CDH4: variants seen among roughly 807,000 people sequenced by gnomAD.
CDH4 encodes the protein cadherin 4, also known as cadherin-4.
A neutral mutation model predicts 86.0 loss-of-function variants in CDH4; 33 were observed. The ratio of observed to expected loss-of-function variants is 0.38; its 90% confidence interval spans 0.29 to 0.51. The LOEUF (loss-of-function observed/expected upper bound fraction) is 0.51, where lower values mean the gene tolerates loss of function less well. Ranked by LOEUF, CDH4 falls within the 20% of genes least tolerant of loss-of-function variation. The pLI is 0.86. For synonymous variants in CDH4, 555 were observed against 549.4 expected, an observed-to-expected ratio of 1.01 and a Z score of -0.14; for missense variants, 1,114 against 1,307.4, an observed-to-expected ratio of 0.85 and a Z score of 2.28.
intron 2 of CDH4, among the ~76,000 whole-genome samples, chr20:61,538,043 G>C (rs879750847): frequency 1.4e-4 from 21 of 152,282 alleles, no homozygotes; most frequent in Middle Eastern, 3.4e-3. Context: ...AAACCCCTAG[G>C]CTGCTTAATT....
chr20:61,849,458 G>A (rs1237415106), intron 5 of CDH4, among the ~76,000 whole-genome samples: 2 of 152,200 alleles, frequency 1.3e-5, no homozygotes, highest in African/African-American at 2.4e-5. Flanking sequence ...GGCTTGGCTT[G>A]TGTTTCTGCT....
At chr20:61,512,980 C>T (rs1052589775) in intron 2 of CDH4, among the ~76,000 whole-genome samples, 22 of 152,204 alleles carry the variant, frequency 1.4e-4, no homozygotes, top group African/African-American at 2.9e-4. Context: ...TCAGAGCCCC[C>T]GTAGAGTTTT....
chr20:61,416,359 T>TC (rs371845011), intron 2 of CDH4, among the ~76,000 whole-genome samples: 3 of 152,224 alleles, frequency 2.0e-5, no homozygotes, highest in African/African-American at 7.2e-5. Context: ...ATTCTGTTTA[T>TC]CCCCTCATTC....
At chr20:61,859,825 T>C (rs897121925) in intron 6 of CDH4, among the ~76,000 whole-genome samples, 1 of 152,268 alleles carries the variant, frequency 6.6e-6, no homozygotes, top group Non-Finnish European at 1.5e-5. Context: ...TCGTGGACAG[T>C]GTGAGGTGGT....
At chr20:61,434,158 C>T (rs1224981715) in intron 2 of CDH4, among the ~76,000 whole-genome samples, 2 of 152,176 alleles carry the variant, frequency 1.3e-5, no homozygotes, top group African/African-American at 4.8e-5. Flanking sequence ...GCCAGTAACT[C>T]GTGGAACTAA....
chr20:61,404,919 A>G (rs1457651870), intron 2 of CDH4, among the ~76,000 whole-genome samples: 13 of 152,070 alleles, frequency 8.5e-5, no homozygotes, highest in Non-Finnish European at 1.9e-4. Context: ...GCATGGTGGC[A>G]CGTGCCTGTA....
chr20:61,668,937 CCTCT>C (rs1568745016), intron 2 of CDH4, among the ~76,000 whole-genome samples: 1 of 152,216 alleles, frequency 6.6e-6, no homozygotes, highest in African/African-American at 2.4e-5. Context: ...TCCGCCAGCC[CCTCT>C]CTCCAGTCTG....
At chr20:61,592,372 G>C (rs946372301) in intron 2 of CDH4, among the ~76,000 whole-genome samples, 2 of 152,160 alleles carry the variant, frequency 1.3e-5, no homozygotes, top group African/African-American at 4.8e-5. Flanking sequence ...CCCTGCAGTG[G>C]TTCCACAGGG....
At chr20:61,566,251 C>A (rs981258979) in intron 2 of CDH4, among the ~76,000 whole-genome samples, 7 of 152,208 alleles carry the variant, frequency 4.6e-5, no homozygotes, top group African/African-American at 1.4e-4. Flanking sequence ...GACCATGAGC[C>A]GCCTTTTTAA....
chr20:61,871,079 GAGAGAC>G (rs1436068221), intron 6 of CDH4, among the ~76,000 whole-genome samples: 3 of 151,688 alleles, frequency 2.0e-5, no homozygotes, highest in Admixed American at 2.0e-4. Context: ...ATATCAGAGA[GAGAGAC>G]AGAGACAGAG....
intron 2 of CDH4, among the ~76,000 whole-genome samples, chr20:61,551,973 A>T (rs965897456): frequency 3.3e-5 from 5 of 152,224 alleles, no homozygotes; most frequent in African/African-American, 1.2e-4. Context: ...CATATACAAA[A>T]GTTAACTCAA....
intron 2 of CDH4, among the ~76,000 whole-genome samples, chr20:61,465,118 C>T (rs1413937948): frequency 1.3e-5 from 2 of 152,202 alleles, no homozygotes; most frequent in African/African-American, 2.4e-5. Flanking sequence ...ATCTGGCATA[C>T]AGAATGCTGG....
chr20:61,253,490 A>G lies in CDH4; in HGVS notation c.57+920A>G, dbSNP rs923181070. On this transcript the variant is annotated intron_variant, in intron 1 of 15. Coordinates refer to ENST00000614565, the MANE Select transcript of CDH4 (RefSeq NM_001794.5). ...TCGGCCTCGCTGCCTTCTCCCGGGCAGCGCTGTTGTAACCTCGGAAATAAA... is the reference window on the plus strand; with the variant it reads ...TCGGCCTCGCTGCCTTCTCCCGGGCGGCGCTGTTGTAACCTCGGAAATAAA... Among the ~76,000 whole-genome samples, 73 of 152,008 alleles carry G rather than the reference A, an allele frequency of 4.8e-4. 1 individual carries two copies. The highest frequency in any genetic ancestry group is 1.7e-3 in the African/African-American group (72 of 41,492).
intron 2 of CDH4, among the ~76,000 whole-genome samples, chr20:61,696,235 A>C (rs1213786850): frequency 6.6e-6 from 1 of 152,192 alleles, no homozygotes; most frequent in East Asian, 1.9e-4. Context: ...ACCGCCCCCC[A>C]CAAACCAACA....
intron 4 of CDH4, among the ~76,000 whole-genome samples, chr20:61,795,321 C>A (rs537758234): frequency 6.6e-6 from 1 of 151,934 alleles, no homozygotes; most frequent in East Asian, 2.0e-4. Context: ...CCTTTCTTCA[C>A]CATAGTATCC....
chr20:61,917,531 C>T (rs2054917135), intron 9 of CDH4, among the ~76,000 whole-genome samples: 1 of 152,236 alleles, frequency 6.6e-6, no homozygotes, highest in Admixed American at 6.5e-5. Context: ...GTGATGGGGT[C>T]AGTTCAGGCA....
chr20:61,284,835 C>A (rs544781466), intron 2 of CDH4, among the ~76,000 whole-genome samples: 2 of 152,198 alleles, frequency 1.3e-5, no homozygotes, highest in Admixed American at 6.5e-5. Context: ...TTAGGCTTGG[C>A]GGGCCAGATG....
At chr20:61,329,940 T>C (rs1372767266) in intron 2 of CDH4, among the ~76,000 whole-genome samples, 5 of 149,708 alleles carry the variant, frequency 3.3e-5, no homozygotes, top group Non-Finnish European at 7.4e-5. Flanking sequence ...ATGCAGTGTT[T>C]GGTTTTCTGT....
At chr20:61,530,096 G>A (rs1489393327) in intron 2 of CDH4, among the ~76,000 whole-genome samples, 1 of 152,078 alleles carries the variant, frequency 6.6e-6, no homozygotes, top group Non-Finnish European at 1.5e-5. Context: ...GCAGTGGCAT[G>A]ATCTCAACTC....
Sources: gnomAD v4.1 joint callset for allele counts (sites outside exome capture counted in the v4.1 genomes callset) on GRCh38, gnomAD v4.1.1 for gene constraint, MANE v1.5 for transcripts, NCBI Gene and HGNC (gene_info 2026-07-23, HGNC 2026-07-21) for gene names.